RAI14: variants seen among roughly 807,000 people sequenced by gnomAD.
RAI14 encodes ankycorbin.
Under a neutral mutation model 115.4 loss-of-function variants are expected in RAI14, and 45 were observed. That is an observed-to-expected ratio of 0.39 (90% CI 0.31 to 0.50). RAI14 has a LOEUF of 0.50. RAI14 is among the 20% of genes least tolerant of loss of function. The pLI, the probability that RAI14 is intolerant of heterozygous loss-of-function variation, is 0.85. For missense variants in RAI14, 939 were observed against 1,131.2 expected, an observed-to-expected ratio of 0.83 and a Z score of 2.44; for synonymous variants, 371 against 415.4, an observed-to-expected ratio of 0.89 and a Z score of 1.30.
chr5:34,743,302 T>C (rs949524489), intron 2 of RAI14, among the ~76,000 whole-genome samples: 3 of 152,194 alleles, frequency 2.0e-5, no homozygotes, highest in Non-Finnish European at 4.4e-5. Flanking sequence ...CTCCTGGTTC[T>C]GGTGGTTGCC....
chr5:34,807,902 C>A, intron 6 of RAI14, 45 bp downstream of exon 6: 2 of 1,481,464 alleles, frequency 1.4e-6, no homozygotes, highest in Non-Finnish European at 1.9e-6. Flanking sequence ...ATTAGAAACA[C>A]CAACTTTTCT....
chr5:34,793,200 C>T (rs1051217361), intron 3 of RAI14, among the ~76,000 whole-genome samples: 2 of 152,210 alleles, frequency 1.3e-5, no homozygotes, highest in Non-Finnish European at 2.9e-5. Context: ...TAACACCTCA[C>T]TTCTGCCTTG....
intron 1 of RAI14, among the ~76,000 whole-genome samples, chr5:34,661,887 G>A (rs1169294714): frequency 6.6e-6 from 1 of 152,160 alleles, no homozygotes; most frequent in African/African-American, 2.4e-5. Context: ...CTGGGCTCAA[G>A]TGATCCTCCC....
intron 3 of RAI14, among the ~76,000 whole-genome samples, chr5:34,776,241 A>T (rs1561346703): frequency 6.6e-6 from 1 of 152,200 alleles, no homozygotes; most frequent in Non-Finnish European, 1.5e-5. Context: ...TAAGAGCAGA[A>T]TGATGGTTAC....
chr5:34,745,104 T>C (rs1400643312), intron 2 of RAI14, among the ~76,000 whole-genome samples: 1 of 152,194 alleles, frequency 6.6e-6, no homozygotes, highest in African/African-American at 2.4e-5. Context: ...GCAAAGACCC[T>C]ATTATCCAAT....
At chr5:34,818,570 T>C (rs963705853) in intron 12 of RAI14, among the ~76,000 whole-genome samples, 1 of 152,196 alleles carries the variant, frequency 6.6e-6, no homozygotes, top group Non-Finnish European at 1.5e-5. Flanking sequence ...TTAGAGAATA[T>C]GCCCTCTGGA....
intron 3 of RAI14, among the ~76,000 whole-genome samples, chr5:34,786,105 G>A (rs376311051): frequency 2.0e-5 from 3 of 152,234 alleles, no homozygotes; most frequent in South Asian, 2.1e-4. Flanking sequence ...GTGAGGGAAC[G>A]GCCTAAGCCA....
intron 2 of RAI14, chr5:34,728,738 A>G (rs1190512680): frequency 6.6e-6 from 1 of 151,974 alleles, no homozygotes; most frequent in East Asian, 1.9e-4. Context: ...AAAACAGACT[A>G]ATACACCCTG....
chr5:34,701,521 A>G (rs1229942800), intron 2 of RAI14, among the ~76,000 whole-genome samples: 2 of 152,186 alleles, frequency 1.3e-5, no homozygotes, highest in Non-Finnish European at 2.9e-5. Context: ...TTCCCTTTCT[A>G]CCAATCCCAA....
chr5:34,822,626 A>G (rs1039870052), intron 14 of RAI14, among the ~76,000 whole-genome samples: 4 of 126,774 alleles, frequency 3.2e-5, no homozygotes, highest in Non-Finnish European at 4.9e-5. Flanking sequence ...TACTCCTCTC[A>G]TTCTAGTTGC....
intron 3 of RAI14, among the ~76,000 whole-genome samples, chr5:34,792,239 T>TC (rs940610133): frequency 4.8e-5 from 7 of 146,338 alleles, no homozygotes; most frequent in East Asian, 2.0e-4. Context: ...TTTTTTCTTT[T>TC]TTTTTTTTTT....
chr5:34,752,701 ATATGTGTGTGTGTGTGTG>A lies in RAI14; in HGVS notation c.37-4765_37-4748del, dbSNP rs1469076848. On this transcript the variant is annotated intron_variant, in intron 2 of 17. Coordinates refer to ENST00000265109, the MANE Select transcript of RAI14 (RefSeq NM_015577.3). ...TAAGAAATATCTATATTTCTTACAT[ATATGTGTGTGTGTGTGTG>A]TGTGTGTGTGTGTGTGTGTGTGTGT... Among the ~76,000 whole-genome samples the A allele has an allele frequency of 1.7e-3, 152 of 90,228 alleles. 7 individuals carry two copies. The highest frequency in any genetic ancestry group is 2.5e-3 in the African/African-American group (49 of 19,584). 59.2% of individuals were successfully genotyped at this position (90,228 alleles called of 152,430 possible).
At chr5:34,724,729 A>G (rs1204690212) in intron 2 of RAI14, among the ~76,000 whole-genome samples, 1 of 152,202 alleles carries the variant, frequency 6.6e-6, no homozygotes, top group Non-Finnish European at 1.5e-5. Context: ...CTTAACCTGT[A>G]GCTTAGTTTT....
At chr5:34,684,492 C>T (rs1579898847) in intron 1 of RAI14, 2 of 152,274 alleles carry the variant, frequency 1.3e-5, no homozygotes, top group South Asian at 2.1e-4. Context: ...TGGTGTGTGT[C>T]GTTTCCAAGG....
chr5:34,676,460 T>G (rs17519929), intron 1 of RAI14, among the ~76,000 whole-genome samples: 32,444 of 152,236 alleles, frequency 0.21, 4,103 homozygotes, highest in Admixed American at 0.28. Context: ...ATTTTTATAT[T>G]CCAGAGGTAG....
At chr5:34,710,138 A>T (rs1182559829) in intron 2 of RAI14, among the ~76,000 whole-genome samples, 4 of 152,218 alleles carry the variant, frequency 2.6e-5, no homozygotes, top group Non-Finnish European at 5.9e-5. Context: ...AGTGCCACAG[A>T]TGGGCGGCTT....
intron 2 of RAI14, among the ~76,000 whole-genome samples, chr5:34,751,233 C>T (rs1746976637): frequency 1.3e-5 from 2 of 151,232 alleles, no homozygotes; most frequent in African/African-American, 4.9e-5. Context: ...ACCTCTGCCT[C>T]CTGGGTTCAA....
At chr5:34,810,926 A>C in intron 7 of RAI14, 86 bp from the exon 8 acceptor site, 1 of 1,589,892 alleles carries the variant, frequency 6.3e-7, no homozygotes, top group Admixed American at 1.7e-5. Flanking sequence ...AAGTCAGGAG[A>C]AAAATGTGCA....
chr5:34,679,818 G>A (rs992460299), intron 1 of RAI14, among the ~76,000 whole-genome samples: 31 of 152,086 alleles, frequency 2.0e-4, no homozygotes, highest in African/African-American at 7.2e-4. Context: ...TGTACATGGT[G>A]AAACCCAATT....
Sources: allele counts gnomAD v4.1 joint callset (sites outside exome capture counted in the v4.1 genomes callset), GRCh38; gene constraint gnomAD v4.1.1; transcripts MANE v1.5; gene names NCBI Gene and HGNC (gene_info 2026-07-23, HGNC 2026-07-21).